PLCXD3: variants seen among roughly 807,000 people sequenced by gnomAD.
PLCXD3 encodes phosphatidylinositol specific phospholipase C X domain containing 3, also known as PI-PLC X domain-containing protein 3.
Under a neutral mutation model 25.5 loss-of-function variants are expected in PLCXD3, and 19 were observed. The ratio of observed to expected loss-of-function variants is 0.75; its 90% CI spans 0.52 to 1.09. The LOEUF (loss-of-function observed/expected upper bound fraction) is 1.09. Among genes scored for constraint, PLCXD3 ranks in the 50% least tolerant of loss-of-function variants. PLCXD3 has a pLI of 0.00. For missense variants in PLCXD3, 411 were observed against 388.1 expected (o/e 1.06, Z -0.50); for synonymous variants, 174 against 137.6 (o/e 1.26, Z -1.85).
chr5:41,509,576 T>C (rs372897654), intron 1 of PLCXD3, among the ~76,000 whole-genome samples: 43 of 152,364 alleles, frequency 2.8e-4, no homozygotes, highest in African/African-American at 1.0e-3. Flanking sequence ...GCTTCTTTCC[T>C]TCTAGACTGT....
At chr5:41,443,205 T>A (rs541212845) in intron 1 of PLCXD3, among the ~76,000 whole-genome samples, 1 of 151,700 alleles carries the variant, frequency 6.6e-6, no homozygotes, top group African/African-American at 2.4e-5. Flanking sequence ...CACATGAGAT[T>A]ATAATACCAT....
At chr5:41,403,411 T>TGTTTTTG (rs1451771602) in intron 1 of PLCXD3, among the ~76,000 whole-genome samples, 9 of 38,314 alleles carry the variant, frequency 2.3e-4, no homozygotes, top group African/African-American at 8.0e-4. Context: ...GTTTTTTTTT[T>TGTTTTTG]TTTTTATTAT....
At chr5:41,504,514 TAGG>T (rs1440021557) in intron 1 of PLCXD3, among the ~76,000 whole-genome samples, 1 of 152,104 alleles carries the variant, frequency 6.6e-6, no homozygotes, top group Non-Finnish European at 1.5e-5. Context: ...GAGTCAGCAA[TAGG>T]AGATGTTGGC....
At chr5:41,356,324 C>A (rs1421257609) in intron 2 of PLCXD3, among the ~76,000 whole-genome samples, 2 of 152,112 alleles carry the variant, frequency 1.3e-5, no homozygotes, top group Non-Finnish European at 2.9e-5. Flanking sequence ...AAATGAACTA[C>A]AATGATAACT....
chr5:41,398,216 G>A (rs1041525632), intron 1 of PLCXD3, among the ~76,000 whole-genome samples: 5 of 152,212 alleles, frequency 3.3e-5, no homozygotes, highest in Admixed American at 3.3e-4. Flanking sequence ...CAGTGATGGG[G>A]AAGAGACCTG....
In PLCXD3 at chr5:41,313,609, T is replaced by C; in HGVS notation, c.*8A>G. On this transcript the variant is annotated 3_prime_UTR_variant, in exon 3 of 3. Coordinates refer to ENST00000377801, the MANE Select transcript of PLCXD3 (RefSeq NM_001005473.3). ...CCATCTTATTCATGGAAACTCCAAG[T>C]AGTGCTATCAAGTGTTGGCTTCTCC... 1.2e-6 allele frequency: 2 copies of C among 1,613,668 alleles called. No individual in the cohort carries two copies. Among genetic ancestry groups the C allele is most frequent in the Non-Finnish European group, 1.7e-6 (2 of 1,179,652 alleles).
chr5:41,429,355 T>A (rs1418946859), intron 1 of PLCXD3, among the ~76,000 whole-genome samples: 2 of 151,950 alleles, frequency 1.3e-5, no homozygotes, highest in African/African-American at 2.4e-5. Context: ...ACATTCAGTA[T>A]CAGGAGATTC....
At chr5:41,428,319 C>T (rs1234509838) in intron 1 of PLCXD3, among the ~76,000 whole-genome samples, 2 of 151,736 alleles carry the variant, frequency 1.3e-5, no homozygotes, top group East Asian at 3.9e-4. Flanking sequence ...TGTTGAAGCC[C>T]TAACCCCCAG....
chr5:41,331,927 G>T (rs320608), intron 2 of PLCXD3, among the ~76,000 whole-genome samples: 14 of 152,070 alleles, frequency 9.2e-5, no homozygotes, highest in South Asian at 2.1e-4. Context: ...CCTTACACCT[G>T]ATACAAAAAT....
chr5:41,355,928 G>A (rs1419365588), intron 2 of PLCXD3, among the ~76,000 whole-genome samples: 1 of 152,018 alleles, frequency 6.6e-6, no homozygotes, highest in East Asian at 1.9e-4. Context: ...GCCTCCTTTG[G>A]CTTAAACTTT....
At chr5:41,321,526 T>G (rs1743470206) in intron 2 of PLCXD3, among the ~76,000 whole-genome samples, 1 of 152,208 alleles carries the variant, frequency 6.6e-6, no homozygotes, top group African/African-American at 2.4e-5. Flanking sequence ...ACAGATTTAA[T>G]GCAATCTACT....
intron 1 of PLCXD3, among the ~76,000 whole-genome samples, chr5:41,396,067 G>A (rs955292625): frequency 8.6e-5 from 13 of 151,228 alleles, no homozygotes; most frequent in African/African-American, 2.7e-4. Context: ...GATGAATATT[G>A]ATGCAAAAAT....
intron 1 of PLCXD3, among the ~76,000 whole-genome samples, chr5:41,505,359 T>C (rs894530121): frequency 1.3e-5 from 2 of 152,198 alleles, no homozygotes; most frequent in Non-Finnish European, 2.9e-5. Context: ...ATAAATGAGA[T>C]GTGACTTGCA....
chr5:41,412,943 A>G (rs1449933531), intron 1 of PLCXD3, among the ~76,000 whole-genome samples: 1 of 152,186 alleles, frequency 6.6e-6, no homozygotes, highest in East Asian at 1.9e-4. Context: ...ATTGTGGTCA[A>G]ATTTGCATTC....
intron 2 of PLCXD3, among the ~76,000 whole-genome samples, chr5:41,374,938 G>A (rs531951091): frequency 1.6e-4 from 25 of 152,006 alleles, no homozygotes; most frequent in Non-Finnish European, 3.1e-4. Context: ...ACCATTCTGA[G>A]TCTCAACCTC....
At chr5:41,354,682 A>T (rs1397564071) in intron 2 of PLCXD3, among the ~76,000 whole-genome samples, 1 of 152,086 alleles carries the variant, frequency 6.6e-6, no homozygotes, top group Non-Finnish European at 1.5e-5. Context: ...TCCTTTGGGG[A>T]TGTTGGTGTG....
intron 2 of PLCXD3, among the ~76,000 whole-genome samples, chr5:41,373,844 CAAAT>C (rs1346014540): frequency 6.6e-6 from 1 of 152,008 alleles, no homozygotes; most frequent in African/African-American, 2.4e-5. Context: ...CCCAGGGTAA[CAAAT>C]AATTTCTCAC....
chr5:41,483,855 T>A (rs531671710), intron 1 of PLCXD3, among the ~76,000 whole-genome samples: 1 of 152,252 alleles, frequency 6.6e-6, no homozygotes, highest in South Asian at 2.1e-4. Context: ...TGAATTGCCA[T>A]TTTTGGCCCT....
At chr5:41,507,658 A>C (rs758392301) in intron 1 of PLCXD3, among the ~76,000 whole-genome samples, 3 of 152,192 alleles carry the variant, frequency 2.0e-5, no homozygotes, top group Non-Finnish European at 4.4e-5. Flanking sequence ...GGGTAGCCTT[A>C]TAATTAGGCA....
Sources: gnomAD v4.1 joint callset for allele counts (sites outside exome capture counted in the v4.1 genomes callset) on GRCh38, gnomAD v4.1.1 for gene constraint, MANE v1.5 for transcripts, NCBI Gene and HGNC (gene_info 2026-07-23, HGNC 2026-07-21) for gene names.